The following ANKS1B variants were observed in gnomAD, a reference collection of about 807,000 sequenced individuals.
ANKS1B encodes ankyrin repeat and sterile alpha motif domain-containing protein 1B.
A neutral mutation model predicts 148.3 loss-of-function variants in ANKS1B; 36 were observed. The observed-to-expected ratio is 0.24, with a 90% CI of 0.19 to 0.32. ANKS1B has a LOEUF of 0.32. Ranked by LOEUF, ANKS1B falls within the 10% of genes least tolerant of loss-of-function variation. The pLI is 1.00. For missense variants in ANKS1B, 1,157 were observed against 1,542.6 expected (o/e 0.75, Z 4.19); for synonymous variants, 542 against 560.8 (o/e 0.97, Z 0.47).
intron 14 of ANKS1B, among the ~76,000 whole-genome samples, chr12:99,178,132 G>A (rs1247069085): frequency 1.3e-5 from 2 of 152,002 alleles, no homozygotes; most frequent in African/African-American, 4.8e-5. Context: ...TCATATCCAG[G>A]GTCATTCCAA....
At chr12:99,162,780 G>A (rs2076793823) in intron 14 of ANKS1B, among the ~76,000 whole-genome samples, 1 of 152,134 alleles carries the variant, frequency 6.6e-6, no homozygotes, top group South Asian at 2.1e-4. Context: ...AAATTCTACT[G>A]GCCGGGCGTG....
intron 12 of ANKS1B, among the ~76,000 whole-genome samples, chr12:99,282,020 A>T (rs533335770): frequency 6.6e-6 from 1 of 152,340 alleles, no homozygotes; most frequent in African/African-American, 2.4e-5. Context: ...GAGAGATCAA[A>T]AGAAAACAAG....
chr12:99,164,143 C>A lies in ANKS1B; in HGVS notation c.2420-9748G>T, dbSNP rs189835576. On this transcript the variant is annotated intron_variant, in intron 14 of 26. Coordinates refer to ENST00000683438, the MANE Select transcript of ANKS1B (RefSeq NM_001352186.2). ...TTTCTACTGTTGAGTTTTGAGAATT[C>A]TTTACATAGTCTAGATACTAGGAAT... Among the ~76,000 whole-genome samples, 104 of 152,096 alleles carry A rather than the reference C, an allele frequency of 6.8e-4. 1 individual carries two copies. The highest frequency in any genetic ancestry group is 2.4e-3 in the African/African-American group (98 of 41,512).
intron 14 of ANKS1B, among the ~76,000 whole-genome samples, chr12:99,192,986 G>T (rs928302003): frequency 6.6e-6 from 1 of 152,046 alleles, no homozygotes; most frequent in African/African-American, 2.4e-5. Flanking sequence ...CTGAAGAAGA[G>T]AAAAATTTTT....
intron 15 of ANKS1B, among the ~76,000 whole-genome samples, chr12:99,121,560 A>C (rs1490195852): frequency 2.0e-5 from 3 of 152,156 alleles, no homozygotes; most frequent in Non-Finnish European, 4.4e-5. Flanking sequence ...AGATGTCAAG[A>C]GAAAAAAATG....
At chr12:99,869,717 G>A (rs1225613759) in intron 1 of ANKS1B, among the ~76,000 whole-genome samples, 1 of 149,810 alleles carries the variant, frequency 6.7e-6, no homozygotes, top group Non-Finnish European at 1.5e-5. Context: ...GAGCCACAGA[G>A]AAACAATGAT....
At chr12:98,910,117 A>T (rs879212985) in intron 17 of ANKS1B, among the ~76,000 whole-genome samples, 1 of 152,378 alleles carries the variant, frequency 6.6e-6, no homozygotes, top group Admixed American at 6.5e-5. Context: ...CTATCAGTCA[A>T]ACCACAAAGA....
intron 1 of ANKS1B, among the ~76,000 whole-genome samples, chr12:99,975,356 T>C (rs1389671246): frequency 6.6e-6 from 1 of 152,182 alleles, no homozygotes; most frequent in African/African-American, 2.4e-5. Flanking sequence ...GAATTAACTG[T>C]CAGGTCCCAC....
intron 2 of ANKS1B, among the ~76,000 whole-genome samples, chr12:99,823,407 G>A (rs2082755418): frequency 6.6e-6 from 1 of 152,174 alleles, no homozygotes; most frequent in African/African-American, 2.4e-5. Flanking sequence ...CAGGGTTCAA[G>A]CGATTCTCCT....
At chr12:99,017,603 C>G (rs1266052282) in intron 17 of ANKS1B, among the ~76,000 whole-genome samples, 1 of 152,150 alleles carries the variant, frequency 6.6e-6, no homozygotes, top group Non-Finnish European at 1.5e-5. Context: ...TTTTCCATAC[C>G]AGTATGATTC....
chr12:99,315,093 A>T (rs573091254), intron 12 of ANKS1B, among the ~76,000 whole-genome samples: 86 of 152,062 alleles, frequency 5.7e-4, no homozygotes, highest in African/African-American at 2.0e-3. Flanking sequence ...AAACACAAAA[A>T]TTAGCTGGGC....
intron 22 of ANKS1B, among the ~76,000 whole-genome samples, chr12:98,786,878 G>C (rs185217536): frequency 1.3e-5 from 2 of 152,300 alleles, no homozygotes; most frequent in East Asian, 3.9e-4. Context: ...CAGTGTATCT[G>C]AAGCACAGGC....
intron 16 of ANKS1B, among the ~76,000 whole-genome samples, chr12:99,065,123 A>G (rs1333827108): frequency 6.6e-6 from 1 of 152,160 alleles, no homozygotes; most frequent in Non-Finnish European, 1.5e-5. Flanking sequence ...ATATTTAGAA[A>G]AAAGACACGG....
At chr12:99,205,422 T>C (rs2082544153) in intron 14 of ANKS1B, among the ~76,000 whole-genome samples, 1 of 152,214 alleles carries the variant, frequency 6.6e-6, no homozygotes, top group African/African-American at 2.4e-5. Context: ...TTAAGATCTT[T>C]ATACTAAATT....
At chr12:98,758,094 A>G (rs912637743) in intron 25 of ANKS1B, among the ~76,000 whole-genome samples, 2 of 152,192 alleles carry the variant, frequency 1.3e-5, no homozygotes, top group African/African-American at 4.8e-5. Context: ...TAATAATATT[A>G]TTTAACCAAA....
chr12:99,973,844 T>C (rs528146355), intron 1 of ANKS1B, among the ~76,000 whole-genome samples: 1 of 152,196 alleles, frequency 6.6e-6, no homozygotes, highest in Admixed American at 6.5e-5. Flanking sequence ...GTTTCACGAG[T>C]GGAATCGACT....
At chr12:99,167,678 C>T (rs2077321867) in intron 14 of ANKS1B, among the ~76,000 whole-genome samples, 1 of 152,060 alleles carries the variant, frequency 6.6e-6, no homozygotes. Context: ...ACTAGATGAC[C>T]CAGCCATTTT....
chr12:98,996,856 A>G (rs2153343052), intron 17 of ANKS1B, among the ~76,000 whole-genome samples: 1 of 149,210 alleles, frequency 6.7e-6, no homozygotes, highest in Middle Eastern at 3.5e-3. Context: ...TACCATGTGA[A>G]TGATGAACAC....
At chr12:99,941,485 G>A (rs866862224) in intron 1 of ANKS1B, among the ~76,000 whole-genome samples, 1 of 151,812 alleles carries the variant, frequency 6.6e-6, no homozygotes, top group Non-Finnish European at 1.5e-5. Flanking sequence ...ATAACGACAG[G>A]GATATTAAAC....
Sources: allele counts gnomAD v4.1 joint callset (sites outside exome capture counted in the v4.1 genomes callset), GRCh38; gene constraint gnomAD v4.1.1; transcripts MANE v1.5; gene names NCBI Gene and HGNC (gene_info 2026-07-23, HGNC 2026-07-21).